Variants in ABCA5 observed in about 807,000 individuals in gnomAD.
The protein encoded by ABCA5 is ATP binding cassette subfamily A member 5.
Under a neutral mutation model 206.0 loss-of-function variants are expected in ABCA5, and 163 were observed. The ratio of observed to expected loss-of-function variants is 0.79; its 90% CI spans 0.70 to 0.90. The LOEUF (loss-of-function observed/expected upper bound fraction) is 0.90. Among genes scored for constraint, ABCA5 ranks in the 40% least tolerant of loss-of-function variants. ABCA5 has a pLI of 0.00. For synonymous variants in ABCA5, 609 were observed against 613.8 expected, an observed-to-expected ratio of 0.99 and a Z score of 0.11; for missense variants, 1,859 against 1,912.9, an observed-to-expected ratio of 0.97 and a Z score of 0.53.
In ABCA5 at chr17:69,261,126, T is replaced by G; in HGVS notation, c.3563A>C (p.Lys1188Thr). 2 of 1,554,410 alleles carry G rather than the reference T, an allele frequency of 1.3e-6. No homozygotes were observed. The highest frequency in any genetic ancestry group is 1.7e-6 in the Non-Finnish European group (2 of 1,148,600). The change falls in exon 26 of 39, where the codon AAG (lysine) becomes ACG (threonine). Residue 1188 changes from lysine (K) to threonine (T), a missense_variant and splice_region_variant. Transcript: ENST00000392676. ...TATTAAAATATTTAGCAGAATTACC[T>G]TTATGAAAGAAATCAGGCAACCTAG... ...PLLGCLISFI[K>T]ISWKNVRKNV...
At chr17:69,289,363 C>G in intron 13 of ABCA5, 67 bp from the exon 14 acceptor site, 1 of 1,212,022 alleles carries the variant, frequency 8.3e-7, no homozygotes, top group East Asian at 3.0e-5. Flanking sequence ...ATCAATATTA[C>G]TTTTTAAATA....
chr17:69,260,298 T>C (rs1300008377), intron 27 of ABCA5, 40 bp downstream of exon 27: 11 of 1,435,004 alleles, frequency 7.7e-6, no homozygotes, highest in Admixed American at 2.0e-5. Context: ...AAACCATTCT[T>C]AAGGTACATG....
intron 35 of ABCA5, 77 bp from the exon 36 acceptor site, chr17:69,250,698 A>T: frequency 9.2e-7 from 1 of 1,087,822 alleles, no homozygotes; most frequent in South Asian, 1.7e-5. Context: ...ATATAACTAC[A>T]TTTTAAAAAA....
At chr17:69,290,556 G>T (rs1195224533) in intron 12 of ABCA5, among the ~76,000 whole-genome samples, 3 of 152,094 alleles carry the variant, frequency 2.0e-5, no homozygotes, top group South Asian at 4.1e-4. Flanking sequence ...ACAAATGTAA[G>T]ATATTATGAC....
intron 7 of ABCA5, among the ~76,000 whole-genome samples, chr17:69,303,290 A>AT (rs902277923): frequency 8.6e-5 from 13 of 151,420 alleles, no homozygotes; most frequent in African/African-American, 2.2e-4. Context: ...GCATTTTAGT[A>AT]TTTTTTTTGT....
chr17:69,258,387 G>A (rs1220807128), intron 28 of ABCA5, among the ~76,000 whole-genome samples: 1 of 152,104 alleles, frequency 6.6e-6, no homozygotes, highest in Non-Finnish European at 1.5e-5. Context: ...GATGGAACTG[G>A]AGACCATTAT....
intron 12 of ABCA5, among the ~76,000 whole-genome samples, chr17:69,290,392 C>T (rs772703654): frequency 2.6e-5 from 4 of 152,104 alleles, no homozygotes; most frequent in Admixed American, 1.3e-4. Flanking sequence ...TTTATCCTAA[C>T]TAGCTGTGTG....
rs774134596 is a variant in ABCA5, at chr17:69,250,470, A to G, written c.4685+2T>C. 2 of 1,603,426 alleles carry G rather than the reference A, an allele frequency of 1.2e-6. No individual in the cohort carries two copies. Among genetic ancestry groups the G allele is most frequent in the East Asian group, 4.5e-5 (2 of 44,602 alleles). ...ATATAACCACATTCTTTAAAATTTT[A>G]CCTTTCCTGACGGCTTGCATTTGGG... is the stretch of plus-strand genomic sequence containing the variant. On this transcript the variant is annotated splice_donor_variant, in intron 36 of 38. Transcript: ENST00000392676. LOFTEE classifies it high-confidence loss of function.
chr17:69,297,394 A>G (rs487382), intron 9 of ABCA5, 35 bp from the exon 10 acceptor site: 1,544,765 of 1,556,072 alleles, frequency 0.99, 767,482 homozygotes, highest in East Asian at 1. Context: ...GAGTTACCAT[A>G]ATTAGTTTTT....
At chr17:69,247,748 A>G in intron 38 of ABCA5, 104 bp from the exon 39 acceptor site, 2 of 556,752 alleles carry the variant, frequency 3.6e-6, no homozygotes, top group Non-Finnish European at 3.1e-6. Flanking sequence ...AGTTATATCA[A>G]CAAGTATCAA....
intron 20 of ABCA5, among the ~76,000 whole-genome samples, chr17:69,272,686 A>AT (rs1413563181): frequency 1.3e-5 from 2 of 152,122 alleles, no homozygotes; most frequent in Admixed American, 6.5e-5. Flanking sequence ...AAAACCTAAC[A>AT]TTTTCCATTC....
intron 18 of ABCA5, among the ~76,000 whole-genome samples, chr17:69,280,048 T>C (rs1780832326): frequency 6.6e-6 from 1 of 151,996 alleles, no homozygotes; most frequent in African/African-American, 2.4e-5. Flanking sequence ...CTAATTAAAC[T>C]AAAGAGCTTC....
At chr17:69,280,034 G>A (rs554450156) in intron 18 of ABCA5, among the ~76,000 whole-genome samples, 23 of 152,214 alleles carry the variant, frequency 1.5e-4, no homozygotes, top group East Asian at 5.8e-4. Context: ...TTGACAAATG[G>A]GATCTAATTA....
At chr17:69,322,271 G>A (rs1009187380) in intron 1 of ABCA5, among the ~76,000 whole-genome samples, 1 of 149,984 alleles carries the variant, frequency 6.7e-6, no homozygotes, top group Non-Finnish European at 1.5e-5. Context: ...TCAGGAGGCT[G>A]AGGCAGGAGA....
At chr17:69,261,802 G>T in intron 24 of ABCA5, 54 bp from the exon 25 acceptor site, 1 of 645,220 alleles carries the variant, frequency 1.5e-6, no homozygotes, top group South Asian at 3.0e-5. Context: ...CAATACACAT[G>T]ACATGAAATA....
chr17:69,254,235 G>T, intron 32 of ABCA5, 80 bp downstream of exon 32: 3 of 1,167,512 alleles, frequency 2.6e-6, no homozygotes, highest in Non-Finnish European at 3.6e-6. Flanking sequence ...CCACAGAAAT[G>T]CTTGTTATGA....
rs370544910 is a variant in ABCA5, at chr17:69,298,281, AAGGGAGGG to A, written c.1268-930_1268-923del. Among the ~76,000 whole-genome samples the A allele has an allele frequency of 1.3e-3, 136 of 107,484 alleles. 5 individuals are homozygous for A. Among genetic ancestry groups the A allele is most frequent in the South Asian group, 0.011 (31 of 2,852 alleles). 70.5% of individuals were successfully genotyped at this position (107,484 alleles called of 152,430 possible). A position where few individuals can be genotyped will look rare whatever the true frequency, so the allele number is the denominator to read the frequency against. On this transcript the variant is annotated intron_variant, in intron 9 of 38. Coordinates refer to ENST00000392676, the MANE Select transcript of ABCA5 (RefSeq NM_172232.4). ...GAAGGAAGGAAGGAAGGAAGGAAGG[AAGGGAGGG>A]AGGGGAAAGAGAAAGAAAGAGAGAG...
At chr17:69,282,572 A>G (rs2075406145) in intron 18 of ABCA5, among the ~76,000 whole-genome samples, 1 of 152,130 alleles carries the variant, frequency 6.6e-6, no homozygotes, top group South Asian at 2.1e-4. Context: ...GTTCAAGACC[A>G]GCCTGGCCAA....
chr17:69,307,837 G>A (rs4968854), intron 5 of ABCA5, among the ~76,000 whole-genome samples: 15,214 of 152,072 alleles, frequency 0.1, 815 homozygotes, highest in Non-Finnish European at 0.11. Context: ...TAAACGTATT[G>A]TTTAGCAGAC....
Sources: allele counts gnomAD v4.1 joint callset (sites outside exome capture counted in the v4.1 genomes callset), GRCh38; gene constraint gnomAD v4.1.1; transcripts MANE v1.5; gene names NCBI Gene and HGNC (gene_info 2026-07-23, HGNC 2026-07-21).